The following NBEA variants were observed in gnomAD, a reference collection of about 807,000 sequenced individuals.
NBEA encodes neurobeachin, also known as lysosomal-trafficking regulator 2.
A neutral mutation model predicts 343.4 loss-of-function variants in NBEA; 44 were observed. The observed-to-expected ratio is 0.13, with a 90% CI of 0.10 to 0.16. NBEA has a LOEUF of 0.16. NBEA is among the 10% of genes least tolerant of loss of function. NBEA has a pLI of 1.00. For synonymous variants in NBEA, 1,175 were observed against 1,238.7 expected (o/e 0.95, Z 1.08); for missense variants, 2,555 against 3,631.3 (o/e 0.70, Z 7.62).
chr13:35,153,276 A>C (rs1287827867), intron 18 of NBEA, among the ~76,000 whole-genome samples: 2 of 151,520 alleles, frequency 1.3e-5, no homozygotes, highest in Non-Finnish European at 2.9e-5. Context: ...CTTGTGATCC[A>C]CCCACCTCGG....
intron 1 of NBEA, among the ~76,000 whole-genome samples, chr13:34,970,104 T>C (rs1160221202): frequency 6.6e-6 from 1 of 152,198 alleles, no homozygotes; most frequent in Non-Finnish European, 1.5e-5. Flanking sequence ...TGGTGTGAGA[T>C]TGTATCTCAT....
chr13:34,974,585 T>C (rs1268198427), intron 1 of NBEA, among the ~76,000 whole-genome samples: 1 of 152,198 alleles, frequency 6.6e-6, no homozygotes, highest in African/African-American at 2.4e-5. Context: ...TAGGTAATGT[T>C]ACTGTAAGCA....
intron 1 of NBEA, among the ~76,000 whole-genome samples, chr13:34,968,891 ATTG>A (rs1158432879): frequency 7.5e-6 from 1 of 132,548 alleles, no homozygotes; most frequent in East Asian, 1.9e-4. Flanking sequence ...ATATCAATTG[ATTG>A]TTAATATCAA....
chr13:35,225,639 A>G (rs941093539), intron 33 of NBEA, among the ~76,000 whole-genome samples: 3 of 152,102 alleles, frequency 2.0e-5, no homozygotes, highest in African/African-American at 4.8e-5. Context: ...TGGGGGTTTT[A>G]TTCTCTTATA....
chr13:35,476,042 C>T, intron 41 of NBEA: 1 of 1,614,180 alleles, frequency 6.2e-7, no homozygotes, highest in Non-Finnish European at 8.5e-7. Flanking sequence ...TTGCAGACTT[C>T]CCGGATAGTT....
At chr13:35,464,339 T>G (rs942702642) in intron 40 of NBEA, among the ~76,000 whole-genome samples, 2 of 152,174 alleles carry the variant, frequency 1.3e-5, no homozygotes, top group Non-Finnish European at 2.9e-5. Flanking sequence ...TACTGCTCAT[T>G]TACACCTACA....
At chr13:35,577,453 A>C (rs1381666604) in intron 45 of NBEA, among the ~76,000 whole-genome samples, 1 of 152,154 alleles carries the variant, frequency 6.6e-6, no homozygotes, top group Non-Finnish European at 1.5e-5. Flanking sequence ...ATTGGCATTT[A>C]TTATTCTGTG....
At position 35,308,462 on chromosome 13, in the gene NBEA, ATATATATATATG is replaced by A. The variant is rs1426706392; in HGVS notation, c.5839-1052_5839-1041del. On this transcript the variant is annotated intron_variant, in intron 35 of 58. Coordinates refer to ENST00000379939, the MANE Select transcript of NBEA (RefSeq NM_001385012.1). Reference sequence around the variant, plus strand: ...ACTATATATATATATATATATATATATATATATATATGTATATATATATGTGTATATATATGT... The same window carrying A: ...ACTATATATATATATATATATATATATATATATATATGTGTATATATATGT... Among the ~76,000 whole-genome samples the A allele has an allele frequency of 2.8e-3, 308 of 110,038 alleles. 16 individuals carry two copies. The highest frequency in any genetic ancestry group is 0.011 in the African/African-American group (286 of 24,878). The allele number at this position is 110,038 out of a possible 152,430, so 72.2% of individuals were successfully genotyped here. A position where few individuals can be genotyped will look rare whatever the true frequency, so the allele number is the denominator to read the frequency against.
intron 1 of NBEA, among the ~76,000 whole-genome samples, chr13:34,958,934 A>G (rs1325991622): frequency 6.6e-6 from 1 of 152,112 alleles, no homozygotes; most frequent in East Asian, 1.9e-4. Context: ...TAGCAGCACT[A>G]TTATGTCAAA....
intron 33 of NBEA, among the ~76,000 whole-genome samples, chr13:35,218,898 TA>T (rs752268245): frequency 5.3e-5 from 8 of 152,008 alleles, no homozygotes; most frequent in African/African-American, 1.2e-4. Flanking sequence ...TCTATAAGAT[TA>T]TTTTTTTATT....
intron 38 of NBEA, among the ~76,000 whole-genome samples, chr13:35,393,754 TAAAG>T (rs2042613406): frequency 6.6e-6 from 1 of 152,108 alleles, no homozygotes; most frequent in African/African-American, 2.4e-5. Context: ...TTTTCCAAGT[TAAAG>T]GAAAGAAGTA....
In NBEA at chr13:35,058,762, A is replaced by C. The variant is rs1285721011; in HGVS notation, c.1138A>C (p.Asn380His). Residue 380 changes from asparagine (N) to histidine (H), a missense_variant, in exon 8 of 59, where the codon AAT (asparagine) becomes CAT (histidine). Transcript: ENST00000379939. ...TGGATCATCAGAAACTGCTGATGCA[A>C]ATAGGGTATTCTGTGGTCAACTTGG... The part of the protein sequence containing the change: ...FLGSSETADA[N>H]RVFCGQLGAV... 6 of 1,595,846 alleles carry C rather than the reference A, an allele frequency of 3.8e-6. No individual in the cohort carries two copies. Among genetic ancestry groups the C allele is most frequent in the Admixed American group, 1.7e-5 (1 of 57,698 alleles).
chr13:35,418,728 A>G (rs1359850505), intron 38 of NBEA, among the ~76,000 whole-genome samples: 1 of 152,070 alleles, frequency 6.6e-6, no homozygotes, highest in Non-Finnish European at 1.5e-5. Flanking sequence ...ATATTATTCT[A>G]CAGTAGAAAA....
At chr13:35,174,955 G>C (rs1255912105) in intron 27 of NBEA, among the ~76,000 whole-genome samples, 3 of 152,066 alleles carry the variant, frequency 2.0e-5, no homozygotes, top group South Asian at 2.1e-4. Flanking sequence ...ACCACGCCCA[G>C]CTAATTTTTC....
chr13:35,630,968 T>G (rs1243108920), intron 49 of NBEA, among the ~76,000 whole-genome samples: 1 of 152,100 alleles, frequency 6.6e-6, no homozygotes, highest in Admixed American at 6.5e-5. Flanking sequence ...TCTAACATAT[T>G]CCCATTGCTG....
At chr13:35,389,809 A>C (rs1317269393) in intron 38 of NBEA, among the ~76,000 whole-genome samples, 3 of 152,130 alleles carry the variant, frequency 2.0e-5, no homozygotes, top group Non-Finnish European at 2.9e-5. Flanking sequence ...AGCACAGATA[A>C]AGTGGTCCTT....
intron 10 of NBEA, among the ~76,000 whole-genome samples, chr13:35,089,120 G>A: frequency 2.4e-5 from 2 of 83,268 alleles, no homozygotes; most frequent in Admixed American, 1.4e-4. Flanking sequence ...GAGTGAACAG[G>A]CAACCTACAA....
intron 35 of NBEA, among the ~76,000 whole-genome samples, chr13:35,305,616 C>T (rs1351565964): frequency 6.6e-6 from 1 of 152,056 alleles, no homozygotes; most frequent in East Asian, 1.9e-4. Flanking sequence ...ATCTTGGCTG[C>T]CAACAGTGTT....
At chr13:35,494,003 A>G (rs954266472) in intron 41 of NBEA, among the ~76,000 whole-genome samples, 2 of 151,922 alleles carry the variant, frequency 1.3e-5, no homozygotes, top group African/African-American at 4.8e-5. Context: ...TATAATGTAT[A>G]ATTTCAAATT....
Sources: gnomAD v4.1 joint callset for allele counts (sites outside exome capture counted in the v4.1 genomes callset) on GRCh38, gnomAD v4.1.1 for gene constraint, MANE v1.5 for transcripts, NCBI Gene and HGNC (gene_info 2026-07-23, HGNC 2026-07-21) for gene names.